The following LDB2 variants were observed in gnomAD, a reference collection of about 807,000 sequenced individuals.
LDB2 encodes the protein LIM domain-binding protein 2.
Under a neutral mutation model 44.3 loss-of-function variants are expected in LDB2, and 12 were observed. That is an observed-to-expected ratio of 0.27 (90% CI 0.17 to 0.44). The LOEUF is 0.44. Among genes scored for constraint, LDB2 ranks in the 20% least tolerant of loss-of-function variants. The pLI, the probability that LDB2 is intolerant of heterozygous loss-of-function variation, is 1.00. For missense variants in LDB2, 344 were observed against 473.5 expected, an observed-to-expected ratio of 0.73 and a Z score of 2.54; for synonymous variants, 164 against 174.8, an observed-to-expected ratio of 0.94 and a Z score of 0.49.
intron 5 of LDB2, among the ~76,000 whole-genome samples, chr4:16,530,997 G>A (rs750142244): frequency 2.0e-5 from 3 of 152,184 alleles, no homozygotes; most frequent in Non-Finnish European, 4.4e-5. Flanking sequence ...TATTTTCAGA[G>A]ACCATCATTG....
At chr4:16,685,300 G>A (rs1412419259) in intron 2 of LDB2, among the ~76,000 whole-genome samples, 1 of 152,142 alleles carries the variant, frequency 6.6e-6, no homozygotes, top group East Asian at 1.9e-4. Flanking sequence ...AACTTCAATA[G>A]GTCTTTGTTT....
chr4:16,839,305 T>C (rs938253481), intron 1 of LDB2, among the ~76,000 whole-genome samples: 2 of 152,340 alleles, frequency 1.3e-5, no homozygotes, highest in East Asian at 1.9e-4. Flanking sequence ...GGGGAGCCGA[T>C]GTGTGCAGAG....
intron 5 of LDB2, among the ~76,000 whole-genome samples, chr4:16,527,329 G>C (rs971093038): frequency 2.0e-5 from 3 of 152,036 alleles, no homozygotes; most frequent in African/African-American, 7.2e-5. Context: ...GAGAGATTGT[G>C]GGGAACTATT....
chr4:16,779,780 AG>A (rs1176615412), intron 1 of LDB2, among the ~76,000 whole-genome samples: 1 of 152,206 alleles, frequency 6.6e-6, no homozygotes, highest in African/African-American at 2.4e-5. Flanking sequence ...CAAGTGTTCC[AG>A]GCATCAGCTG....
intron 2 of LDB2, among the ~76,000 whole-genome samples, chr4:16,618,931 A>G (rs1728111767): frequency 6.6e-6 from 1 of 152,040 alleles, no homozygotes; most frequent in Non-Finnish European, 1.5e-5. Flanking sequence ...TCTGGTTAAG[A>G]GTGTGTAGCA....
chr4:16,821,852 C>T (rs1248397579), intron 1 of LDB2, among the ~76,000 whole-genome samples: 1 of 149,762 alleles, frequency 6.7e-6, no homozygotes, highest in Non-Finnish European at 1.5e-5. Context: ...CTAGTGGCCT[C>T]TATGATTAAA....
chr4:16,696,444 A>G (rs1752145816), intron 2 of LDB2, among the ~76,000 whole-genome samples: 2 of 152,142 alleles, frequency 1.3e-5, no homozygotes, highest in Admixed American at 1.3e-4. Flanking sequence ...CATTTTTTTC[A>G]AAGGAGTTAG....
intron 1 of LDB2, among the ~76,000 whole-genome samples, chr4:16,839,626 G>T (rs915446994): frequency 1.3e-5 from 2 of 152,150 alleles, no homozygotes; most frequent in Non-Finnish European, 2.9e-5. Flanking sequence ...TAAGTAATCT[G>T]TCAAGAGTTA....
intron 1 of LDB2, among the ~76,000 whole-genome samples, chr4:16,828,393 A>G (rs1783446581): frequency 6.6e-6 from 1 of 151,990 alleles, no homozygotes. Flanking sequence ...TCTTAAATAC[A>G]TTTCCTTCCA....
chr4:16,713,963 T>C (rs1253328907), intron 2 of LDB2, among the ~76,000 whole-genome samples: 1 of 152,182 alleles, frequency 6.6e-6, no homozygotes, highest in Non-Finnish European at 1.5e-5. Context: ...TGACAAATGT[T>C]AGGTCAAGGA....
At chr4:16,825,788 A>G (rs1261456331) in intron 1 of LDB2, among the ~76,000 whole-genome samples, 16 of 152,158 alleles carry the variant, frequency 1.1e-4, no homozygotes, top group Admixed American at 1.0e-3. Context: ...GAACATAGGA[A>G]TTAAATGATA....
intron 1 of LDB2, among the ~76,000 whole-genome samples, chr4:16,811,675 T>C (rs1779896237): frequency 6.6e-6 from 1 of 152,244 alleles, no homozygotes; most frequent in Non-Finnish European, 1.5e-5. Context: ...AACTATTTTG[T>C]TCCTATTACA....
chr4:16,669,811 C>A (rs950485732), intron 2 of LDB2, among the ~76,000 whole-genome samples: 3 of 152,194 alleles, frequency 2.0e-5, no homozygotes, highest in South Asian at 2.1e-4. Context: ...ACATTTCATC[C>A]AGCCCTCTTT....
intron 2 of LDB2, among the ~76,000 whole-genome samples, chr4:16,633,443 A>T: frequency 6.6e-6 from 1 of 152,124 alleles, no homozygotes. Context: ...TAATAAAAAA[A>T]ATCACAAGCA....
chr4:16,787,024 T>G (rs74587682), intron 1 of LDB2, among the ~76,000 whole-genome samples: 1 of 152,306 alleles, frequency 6.6e-6, no homozygotes, highest in Non-Finnish European at 1.5e-5. Flanking sequence ...ATTGTTGATA[T>G]CTAAATAAAG....
chr4:16,729,568 T>A lies in LDB2; in HGVS notation c.235+29590A>T, dbSNP rs561248547. Among the ~76,000 whole-genome samples, 39 of 152,322 alleles carry A rather than the reference T, an allele frequency of 2.6e-4. No individual in the cohort carries two copies. In the East Asian group the frequency reaches 6.8e-3, roughly 26 times the overall value. On this transcript the variant is annotated intron_variant, in intron 2 of 7. Coordinates refer to ENST00000304523, the MANE Select transcript of LDB2 (RefSeq NM_001290.5). ...TCTGCTATATTTCAGGCCGCTTTTA[T>A]CCTCCAAATCCCCCATCTTTGTTTA...
At chr4:16,743,267 G>A (rs1193548231) in intron 2 of LDB2, among the ~76,000 whole-genome samples, 6 of 152,070 alleles carry the variant, frequency 3.9e-5, no homozygotes, top group Non-Finnish European at 5.9e-5. Context: ...TCTAGCCTGG[G>A]TGATAGAGTG....
At position 16,750,555 on chromosome 4, in the gene LDB2, T is replaced by C. The variant is rs1351704082; in HGVS notation, c.235+8603A>G. ...AGAAGCAAGACTTATGAATAAGAAGTCCAGGTAGATCTCTTAGTCTTTTTT... is the reference window on the plus strand; with the variant it reads ...AGAAGCAAGACTTATGAATAAGAAGCCCAGGTAGATCTCTTAGTCTTTTTT... On this transcript the variant is annotated intron_variant, in intron 2 of 7. Transcript: ENST00000304523. Among the ~76,000 whole-genome samples, 4 of 149,982 alleles carry C rather than the reference T, an allele frequency of 2.7e-5. 1 individual carries two copies.
chr4:16,684,427 T>G (rs893222465), intron 2 of LDB2, among the ~76,000 whole-genome samples: 1 of 152,208 alleles, frequency 6.6e-6, no homozygotes, highest in Admixed American at 6.5e-5. Context: ...AACTAACAAA[T>G]GAAGAATGGC....
Sources: allele counts gnomAD v4.1 joint callset (sites outside exome capture counted in the v4.1 genomes callset), GRCh38; gene constraint gnomAD v4.1.1; transcripts MANE v1.5; gene names NCBI Gene and HGNC (gene_info 2026-07-23, HGNC 2026-07-21).